IL1RAPL2: variants seen among roughly 807,000 people sequenced by gnomAD.
IL1RAPL2 encodes interleukin 1 receptor accessory protein like 2.
In IL1RAPL2, 3 loss-of-function variants were observed where a neutral mutation model predicts 44.1. The observed-to-expected ratio is 0.07, with a 90% CI of 0.03 to 0.18. The LOEUF (loss-of-function observed/expected upper bound fraction) is 0.18, where lower values mean the gene tolerates loss of function less well. Among genes scored for constraint, IL1RAPL2 ranks in the 10% least tolerant of loss-of-function variants. The probability of loss-of-function intolerance (pLI) is 1.00; values close to 1 mark genes in which losing one functional copy is unlikely to be tolerated. For missense variants in IL1RAPL2, 391 were observed against 496.4 expected, an observed-to-expected ratio of 0.79 and a Z score of 2.02; for synonymous variants, 181 against 178.8, an observed-to-expected ratio of 1.01 and a Z score of -0.10.
intron 2 of IL1RAPL2, among the ~76,000 whole-genome samples, chrX:104,689,230 G>A (rs1166448848): frequency 8.9e-6 from 1 of 112,022 alleles, no homozygotes; most frequent in Non-Finnish European, 1.9e-5. Context: ...AGGATTACAA[G>A]TTCAATTGTG....
chrX:104,663,653 C>G (rs1930440299), intron 2 of IL1RAPL2, among the ~76,000 whole-genome samples: 1 of 107,867 alleles, frequency 9.3e-6, no homozygotes, highest in African/African-American at 3.4e-5. Context: ...AGGGTGACTT[C>G]TCTGGAGGAA....
rs765538414 is a variant in IL1RAPL2 at position 104,813,870 on chromosome X, T to G, written c.82+154875T>G. Among the ~76,000 whole-genome samples, 4 of 111,712 alleles carry G rather than the reference T, an allele frequency of 3.6e-5. 1 individual carries two copies. Among genetic ancestry groups the G allele is most frequent in the African/African-American group, 1.3e-4 (4 of 30,745 alleles). ...AGTAAAGCAGCATTTGGGGAGTTAT[T>G]AGGCTTAGTTCTTACAGCTCTTTTC... On this transcript the variant is annotated intron_variant, in intron 2 of 10. Coordinates refer to ENST00000372582, the MANE Select transcript of IL1RAPL2 (RefSeq NM_017416.2).
chrX:105,761,069 C>T (rs1365760681), intron 10 of IL1RAPL2, among the ~76,000 whole-genome samples: 2 of 107,926 alleles, frequency 1.9e-5, no homozygotes, highest in Admixed American at 1.0e-4. Context: ...ATCCCAGCTA[C>T]TTGGGAGGCT....
At chrX:104,946,392 A>AAAAAAAAC (rs1925357665) in intron 2 of IL1RAPL2, among the ~76,000 whole-genome samples, 1 of 92,422 alleles carries the variant, frequency 1.1e-5, no homozygotes, top group Non-Finnish European at 2.1e-5. Flanking sequence ...AAAAAAAAAA[A>AAAAAAAAC]AAAAAAAAAA....
intron 6 of IL1RAPL2, 79 bp downstream of exon 6, chrX:105,484,466 G>C (rs1176931112): frequency 3.1e-5 from 20 of 648,534 alleles, no homozygotes; most frequent in Non-Finnish European, 4.4e-5. Context: ...AACCAGGAAA[G>C]GTTTATTGCC....
chrX:104,785,189 A>T (rs1345841146), intron 2 of IL1RAPL2, among the ~76,000 whole-genome samples: 1 of 109,826 alleles, frequency 9.1e-6, no homozygotes, highest in Non-Finnish European at 1.9e-5. Context: ...TTAAAAAAAA[A>T]ATTTGGTAGA....
intron 2 of IL1RAPL2, among the ~76,000 whole-genome samples, chrX:105,164,170 A>T (rs1045456673): frequency 5.4e-5 from 6 of 111,321 alleles, no homozygotes; most frequent in African/African-American, 2.0e-4. Context: ...ATTGCTCAGT[A>T]ATCGGGCTGT....
At chrX:104,634,457 CATT>C (rs1304114573) in intron 1 of IL1RAPL2, among the ~76,000 whole-genome samples, 2 of 111,203 alleles carry the variant, frequency 1.8e-5, no homozygotes, top group Admixed American at 9.6e-5. Flanking sequence ...TAAAGTCTCC[CATT>C]ATTATTGTGT....
intron 2 of IL1RAPL2, among the ~76,000 whole-genome samples, chrX:104,920,234 T>G (rs746359756): frequency 9.0e-6 from 1 of 111,685 alleles, no homozygotes; most frequent in Non-Finnish European, 1.9e-5. Context: ...GATCATACTT[T>G]CCTATTAACA....
rs184157565 is a variant in IL1RAPL2 at position 104,872,549 on chromosome X, A to G, written c.82+213554A>G. ...AAAACCAAGGAGCTTGACTTAGGTTACCTATGTGGAAGCCAGAACCAGAAA... is the reference window on the plus strand; with the variant it reads ...AAAACCAAGGAGCTTGACTTAGGTTGCCTATGTGGAAGCCAGAACCAGAAA... On this transcript the variant is annotated intron_variant, in intron 2 of 10. Coordinates refer to ENST00000372582, the MANE Select transcript of IL1RAPL2 (RefSeq NM_017416.2). Among the ~76,000 whole-genome samples the G allele has an allele frequency of 3.6e-5, 4 of 111,468 alleles. No homozygotes were observed. In the East Asian group the frequency reaches 1.1e-3, roughly 32 times the overall value.
At chrX:105,118,767 T>C (rs1458522455) in intron 2 of IL1RAPL2, among the ~76,000 whole-genome samples, 2 of 112,354 alleles carry the variant, frequency 1.8e-5, no homozygotes, top group Non-Finnish European at 3.8e-5. Flanking sequence ...AGATAGTTAT[T>C]ACCCTGTAAG....
rs1025215180 is a variant in IL1RAPL2, at chrX:104,650,637, T to TA, written c.-19-8250dup. On this transcript the variant is annotated intron_variant, in intron 1 of 10. Coordinates refer to ENST00000372582, the MANE Select transcript of IL1RAPL2 (RefSeq NM_017416.2). ...AATCTGAATCACCTACTGAACATGC[T>TA]AAAAAAAACCACTTATTTTACTAGG... 4.3e-4 allele frequency among the ~76,000 whole-genome samples: 48 copies of TA among 111,281 alleles called. No individual in the cohort carries two copies. The South Asian group carries it at 0.011, about 26-fold the overall frequency.
chrX:105,243,308 C>G (rs2213419), intron 4 of IL1RAPL2, among the ~76,000 whole-genome samples: 6,562 of 109,213 alleles, frequency 0.06, 260 homozygotes, highest in South Asian at 0.17. Context: ...CTCTCTCTCT[C>G]TCTTTCCTGT....
intron 10 of IL1RAPL2, among the ~76,000 whole-genome samples, chrX:105,760,584 G>A (rs1226675338): frequency 2.7e-5 from 3 of 112,038 alleles, no homozygotes; most frequent in East Asian, 2.8e-4. Flanking sequence ...TCTTCACACC[G>A]TCATGCTTCC....
intron 2 of IL1RAPL2, among the ~76,000 whole-genome samples, chrX:105,078,801 G>A (rs955641680): frequency 2.3e-4 from 26 of 112,471 alleles, no homozygotes; most frequent in Non-Finnish European, 1.5e-4. Flanking sequence ...AGCAATGAGC[G>A]AGGCTCCATG....
chrX:104,616,406 G>A (rs1929279552), intron 1 of IL1RAPL2, among the ~76,000 whole-genome samples: 1 of 112,211 alleles, frequency 8.9e-6, no homozygotes, highest in Non-Finnish European at 1.9e-5. Flanking sequence ...ATAGTTTATA[G>A]TTTAATATGA....
Position 105,075,900 on chromosome X carries a change from A to G in IL1RAPL2, c.83-119575A>G, listed in dbSNP as rs770643878. On this transcript the variant is annotated intron_variant, in intron 2 of 10. Transcript: ENST00000372582. ...AATCGATGGTGATATCCCGTTTGTC[A>G]TTTTTCATCGTGTCTATTTGATTCT... is the stretch of plus-strand genomic sequence containing the variant. Among the ~76,000 whole-genome samples, 47 of 111,111 alleles carry G rather than the reference A, an allele frequency of 4.2e-4. No individual in the cohort carries two copies. In the Admixed American group the frequency reaches 4.4e-3, roughly 10 times the overall value.
At chrX:105,524,864 T>C (rs1156734129) in intron 6 of IL1RAPL2, among the ~76,000 whole-genome samples, 1 of 111,263 alleles carries the variant, frequency 9.0e-6, no homozygotes, top group Non-Finnish European at 1.9e-5. Flanking sequence ...CACCTGTAAA[T>C]TGAGGGTAAA....
At chrX:105,442,936 C>A (rs1046398543) in intron 5 of IL1RAPL2, among the ~76,000 whole-genome samples, 1 of 111,226 alleles carries the variant, frequency 9.0e-6, no homozygotes, top group Non-Finnish European at 1.9e-5. Context: ...AGTAGCCCAG[C>A]GTGGTGGTGG....
Sources: gnomAD v4.1 joint callset for allele counts (sites outside exome capture counted in the v4.1 genomes callset) on GRCh38, gnomAD v4.1.1 for gene constraint, MANE v1.5 for transcripts, NCBI Gene and HGNC (gene_info 2026-07-23, HGNC 2026-07-21) for gene names.